Variants in TG observed in about 807,000 individuals in gnomAD.
The protein encoded by TG is thyroglobulin, also known as thyroid hormones.
Under a neutral mutation model 324.7 loss-of-function variants are expected in TG, and 270 were observed. That is an observed-to-expected ratio of 0.83 (90% CI 0.75 to 0.92). TG has a LOEUF of 0.92. Among genes scored for constraint, TG ranks in the 40% least tolerant of loss-of-function variants. TG has a pLI of 0.00. For synonymous variants in TG, 1,401 were observed against 1,327.0 expected, an observed-to-expected ratio of 1.06 and a Z score of -1.21; for missense variants, 3,591 against 3,456.4, an observed-to-expected ratio of 1.04 and a Z score of -0.98.
rs181271794 is a variant in TG, at chr8:133,059,110, G to A, written c.7239+29087G>A. The A allele has an allele frequency of 1.2e-4, 56 of 456,252 alleles. 1 individual carries two copies. The highest frequency in any genetic ancestry group is 1.1e-3 in the Admixed American group (46 of 42,580). The allele number at this position is 456,252 out of a possible 1,614,324, so 28.3% of individuals were successfully genotyped here. A position where few individuals can be genotyped will look rare whatever the true frequency, so the allele number is the denominator to read the frequency against. On this transcript the variant is annotated intron_variant, in intron 41 of 47. Transcript: ENST00000220616. ...CTCAGTCCACTTCCCTGTCAGGCTCGGCAGACAGGGCAGCCATCTGCGCCA... is the reference window on the plus strand; with the variant it reads ...CTCAGTCCACTTCCCTGTCAGGCTCAGCAGACAGGGCAGCCATCTGCGCCA...
At chr8:133,071,847 G>A (rs1410842692) in intron 41 of TG, among the ~76,000 whole-genome samples, 1 of 152,054 alleles carries the variant, frequency 6.6e-6, no homozygotes, top group African/African-American at 2.4e-5. Context: ...CTGCTCCCAG[G>A]GCAACTTTCT....
chr8:132,876,999 G>A (rs191356225), intron 5 of TG, among the ~76,000 whole-genome samples: 3 of 152,278 alleles, frequency 2.0e-5, no homozygotes, highest in Non-Finnish European at 2.9e-5. Context: ...ATGGTAAAGG[G>A]GCATTGTAAC....
chr8:132,993,174 A>G (rs938004215), intron 35 of TG, among the ~76,000 whole-genome samples: 3 of 152,266 alleles, frequency 2.0e-5, no homozygotes, highest in Non-Finnish European at 4.4e-5. Context: ...GTTTTAAATA[A>G]TAGATATAAG....
At chr8:132,956,179 T>G (rs1826831435) in intron 27 of TG, among the ~76,000 whole-genome samples, 1 of 152,216 alleles carries the variant, frequency 6.6e-6, no homozygotes, top group Admixed American at 6.5e-5. Flanking sequence ...TTAGAAAAAC[T>G]AATTTGGGGC....
At chr8:133,070,082 G>A (rs1044799488) in intron 41 of TG, among the ~76,000 whole-genome samples, 1 of 151,900 alleles carries the variant, frequency 6.6e-6, no homozygotes, top group East Asian at 1.9e-4. Flanking sequence ...AACAATGTGG[G>A]CCTAGGAGAC....
chr8:132,928,915 A>G (rs1386630724), intron 22 of TG, among the ~76,000 whole-genome samples, 161 bp from the exon 23 acceptor site: 2 of 152,238 alleles, frequency 1.3e-5, no homozygotes, highest in African/African-American at 4.8e-5. Context: ...ATGGAGCAGT[A>G]TGTTGGAGCT....
intron 11 of TG, among the ~76,000 whole-genome samples, chr8:132,897,116 C>T (rs542788046): frequency 1.1e-4 from 16 of 152,300 alleles, no homozygotes; most frequent in Middle Eastern, 3.4e-3. Context: ...GGGAAACCTA[C>T]GAGGGCAGCT....
At chr8:132,921,650 C>T (rs1821126108) in intron 21 of TG, among the ~76,000 whole-genome samples, 1 of 152,152 alleles carries the variant, frequency 6.6e-6, no homozygotes, top group Admixed American at 6.5e-5. Flanking sequence ...CTATATAGTT[C>T]AGGTCTCTAT....
intron 41 of TG, among the ~76,000 whole-genome samples, chr8:133,064,668 G>A (rs544369236): frequency 7.2e-5 from 11 of 152,206 alleles, no homozygotes; most frequent in African/African-American, 2.4e-4. Context: ...CGTTGCCGTC[G>A]ACAACGTGGG....
intron 35 of TG, chr8:132,994,658 G>A (rs1020440855): frequency 7.8e-7 from 1 of 1,281,704 alleles, no homozygotes; most frequent in Non-Finnish European, 1.0e-6. Flanking sequence ...TGAATTCCCT[G>A]ACCTCCTGAA....
intron 26 of TG, among the ~76,000 whole-genome samples, chr8:132,942,977 G>A (rs747236885): frequency 1.1e-4 from 17 of 152,306 alleles, no homozygotes; most frequent in Non-Finnish European, 2.5e-4. Flanking sequence ...GGAAGCAGGT[G>A]TTTTTTGGTA....
chr8:133,066,527 A>G (rs1843067064), intron 41 of TG, among the ~76,000 whole-genome samples: 1 of 152,218 alleles, frequency 6.6e-6, no homozygotes, highest in South Asian at 2.1e-4. Context: ...ATGTGAATTT[A>G]TAAATTTCTT....
At chr8:132,962,333 C>T (rs566291628) in intron 28 of TG, among the ~76,000 whole-genome samples, 5 of 152,134 alleles carry the variant, frequency 3.3e-5, no homozygotes, top group Admixed American at 6.5e-5. Context: ...GGAGAGGATA[C>T]GTGAAATGCC....
At chr8:133,123,047 C>T (rs1851260866) in intron 45 of TG, among the ~76,000 whole-genome samples, 1 of 152,022 alleles carries the variant, frequency 6.6e-6, no homozygotes, top group South Asian at 2.1e-4. Context: ...TGCCTTCTAC[C>T]CACCTGATGC....
intron 34 of TG, among the ~76,000 whole-genome samples, chr8:132,981,862 A>G (rs1170100384): frequency 6.6e-6 from 1 of 152,154 alleles, no homozygotes; most frequent in Admixed American, 6.5e-5. Flanking sequence ...ACATAATAGG[A>G]TTGAAGGCTC....
intron 41 of TG, among the ~76,000 whole-genome samples, chr8:133,093,903 A>AT (rs1485825894): frequency 6.6e-6 from 1 of 152,206 alleles, no homozygotes; most frequent in Non-Finnish European, 1.5e-5. Context: ...ATGAGCTGAA[A>AT]TAGGGAACCT....
At chr8:133,036,087 G>T (rs1194363540) in intron 41 of TG, among the ~76,000 whole-genome samples, 1 of 152,118 alleles carries the variant, frequency 6.6e-6, no homozygotes, top group Non-Finnish European at 1.5e-5. Flanking sequence ...TGCAGGAATT[G>T]CCCCATTATT....
chr8:133,050,139 T>A (rs1587885492), intron 41 of TG: 7 of 658,560 alleles, frequency 1.1e-5, no homozygotes, highest in Non-Finnish European at 1.9e-5. Context: ...TATTTCGTCA[T>A]CTGAAAATTT....
chr8:132,957,697 A>G (rs999771984), intron 27 of TG, among the ~76,000 whole-genome samples: 4 of 148,636 alleles, frequency 2.7e-5, no homozygotes, highest in Non-Finnish European at 5.9e-5. Flanking sequence ...TTGTATTTGT[A>G]TTGAGGGACT....
Sources: gnomAD v4.1 joint callset for allele counts (sites outside exome capture counted in the v4.1 genomes callset) on GRCh38, gnomAD v4.1.1 for gene constraint, MANE v1.5 for transcripts, NCBI Gene and HGNC (gene_info 2026-07-23, HGNC 2026-07-21) for gene names.